The following LIMS4 variants were observed in gnomAD, a reference collection of about 807,000 sequenced individuals.
LIMS4 encodes the protein LIM zinc finger domain containing 4, also known as LIM and senescent cell antigen-like-containing domain protein 4.
At chr2:110,386,924 C>T in the LIMS4 span, 6 of 695,888 alleles carry the variant, frequency 8.6e-6, 1 homozygote, top group Admixed American at 4.1e-5. Context: ...GCTTACCATC[C>T]TGTGCTGGGG....
At chr2:110,362,245 GA>G in the LIMS4 span, 1 of 1,550,660 alleles carries the variant, frequency 6.4e-7, no homozygotes, top group Non-Finnish European at 8.9e-7. Context: ...ACACAGCTTG[GA>G]GGGGTCTTCA....
chr2:110,419,656 C>CAAAAAAAAAAAAAA, the LIMS4 span, among the ~76,000 whole-genome samples: 4 of 8,138 alleles, frequency 4.9e-4, no homozygotes, highest in Middle Eastern at 0.083. Flanking sequence ...ACAACAACAA[C>CAAAAAAAAAAAAAA]AAAAAAAAAA....
the LIMS4 span, chr2:110,386,869 G>A: frequency 1.5e-6 from 1 of 675,524 alleles, no homozygotes; most frequent in Non-Finnish European, 2.7e-6. Context: ...GGTAGATCAG[G>A]GCTACCAGCT....
At chr2:110,425,465 C>T in the LIMS4 span, among the ~76,000 whole-genome samples, 3 of 139,146 alleles carry the variant, frequency 2.2e-5, no homozygotes, top group African/African-American at 9.4e-5. Context: ...CATTATAGTC[C>T]TCTAAGAGAA....
the LIMS4 span, among the ~76,000 whole-genome samples, chr2:110,396,134 C>G: frequency 8.6e-6 from 1 of 116,698 alleles, no homozygotes; most frequent in African/African-American, 4.0e-5. Flanking sequence ...CACAGAGAAC[C>G]TTTTAACACT....
chr2:110,367,948 C>G, the LIMS4 span, among the ~76,000 whole-genome samples: 6 of 145,210 alleles, frequency 4.1e-5, no homozygotes, highest in African/African-American at 1.4e-4. Flanking sequence ...AAATGATACA[C>G]TTTAAAGTGC....
chr2:110,367,714 C>CA, the LIMS4 span, among the ~76,000 whole-genome samples: 13 of 147,012 alleles, frequency 8.8e-5, no homozygotes, highest in African/African-American at 2.7e-4. Context: ...CCACGTTTAC[C>CA]AAAAAAAATA....
chr2:110,407,722 A>ATGATC, the LIMS4 span, among the ~76,000 whole-genome samples: 1 of 122,936 alleles, frequency 8.1e-6, no homozygotes, highest in African/African-American at 3.1e-5. Flanking sequence ...GCAGTGAGCC[A>ATGATC]TGATCACACC....
At chr2:110,418,663 T>C in the LIMS4 span, among the ~76,000 whole-genome samples, 1 of 114,118 alleles carries the variant, frequency 8.8e-6, no homozygotes, top group Non-Finnish European at 1.7e-5. Context: ...TTTTTTTTTT[T>C]TTTTTTTTCT....
At chr2:110,395,856 C>A in the LIMS4 span, among the ~76,000 whole-genome samples, 1 of 128,324 alleles carries the variant, frequency 7.8e-6, no homozygotes, top group Non-Finnish European at 1.6e-5. Flanking sequence ...CACCCTCCCA[C>A]CGACCTGTGC....
chr2:110,390,838 G>A, the LIMS4 span, among the ~76,000 whole-genome samples: 5,581 of 144,776 alleles, frequency 0.039, 1 homozygote, highest in African/African-American at 0.12. Context: ...CTCCAGGAGC[G>A]CACCATCTGG....
chr2:110,425,268 G>A, the LIMS4 span, among the ~76,000 whole-genome samples: 1 of 143,140 alleles, frequency 7.0e-6, no homozygotes, highest in African/African-American at 2.9e-5. Flanking sequence ...ACCTATAGTG[G>A]GCTAGTCTAG....
chr2:110,361,850 C>A, the LIMS4 span: 1 of 891,224 alleles, frequency 1.1e-6, no homozygotes, highest in African/African-American at 1.9e-5. Flanking sequence ...GGAATGTGTG[C>A]TTGGGGCAGA....
chr2:110,424,542 ACTT>A, the LIMS4 span, among the ~76,000 whole-genome samples: 6 of 144,312 alleles, frequency 4.2e-5, no homozygotes, highest in Non-Finnish European at 7.4e-5. Flanking sequence ...GTACCAACCA[ACTT>A]CACTGACTCC....
chr2:110,379,035 T>G, the LIMS4 span, among the ~76,000 whole-genome samples: 1 of 148,414 alleles, frequency 6.7e-6, no homozygotes, highest in South Asian at 2.1e-4. Context: ...AGAATATATG[T>G]GGGAATGGAT....
At chr2:110,392,643 GC>G in the LIMS4 span, among the ~76,000 whole-genome samples, 3 of 151,782 alleles carry the variant, frequency 2.0e-5, no homozygotes, top group Non-Finnish European at 4.4e-5. Flanking sequence ...CGTTGCTGAG[GC>G]AGCAGCACAC....
the LIMS4 span, among the ~76,000 whole-genome samples, chr2:110,371,705 C>A: frequency 7.0e-6 from 1 of 142,726 alleles, no homozygotes; most frequent in African/African-American, 2.9e-5. Flanking sequence ...TTAAAGCAGC[C>A]CCTGATGCCA....
At chr2:110,360,575 G>C in the LIMS4 span, 16 of 923,246 alleles carry the variant, frequency 1.7e-5, no homozygotes, top group Non-Finnish European at 2.4e-5. Flanking sequence ...TGCCAATGTG[G>C]ACAGGGATTT....
the LIMS4 span, chr2:110,382,809 G>C: frequency 7.5e-6 from 1 of 132,834 alleles, no homozygotes; most frequent in Non-Finnish European, 1.5e-5. Flanking sequence ...CAAATCCATA[G>C]ACTGAAAGTG....
Sources: allele counts gnomAD v4.1 joint callset (sites outside exome capture counted in the v4.1 genomes callset), GRCh38; gene constraint gnomAD v4.1.1; transcripts MANE v1.5; gene names NCBI Gene and HGNC (gene_info 2026-07-23, HGNC 2026-07-21).